MAP3K5: variants seen among roughly 807,000 people sequenced by gnomAD.
MAP3K5 encodes the protein ASK-1.
Under a neutral mutation model 158.7 loss-of-function variants are expected in MAP3K5, and 56 were observed. The observed-to-expected ratio is 0.35, with a 90% confidence interval of 0.28 to 0.44. MAP3K5 has a LOEUF of 0.44. Ranked by LOEUF, MAP3K5 falls within the 20% of genes least tolerant of loss-of-function variation. MAP3K5 has a pLI of 1.00. For missense variants in MAP3K5, 1,294 were observed against 1,674.8 expected (o/e 0.77, Z 3.97); for synonymous variants, 579 against 601.7 (o/e 0.96, Z 0.55).
chr6:136,777,385 G>A (rs572110273), intron 1 of MAP3K5, among the ~76,000 whole-genome samples: 7 of 152,222 alleles, frequency 4.6e-5, no homozygotes, highest in African/African-American at 1.7e-4. Flanking sequence ...TTGAGACAGG[G>A]TCTCCGTTTG....
chr6:136,609,629 C>T lies in MAP3K5; in HGVS notation c.2521+1653G>A, dbSNP rs1220221151. ...GCAACATGGTGAAACCCTGTCTCTA[C>T]CAAAAATACAAAAAATTAGCCAGGC... On this transcript the variant is annotated intron_variant, in intron 18 of 29. Coordinates refer to ENST00000359015, the MANE Select transcript of MAP3K5 (RefSeq NM_005923.4). The surrounding 1 kb of genome is among the most constrained non-coding windows in gnomAD (Gnocchi z 4.4). Among the ~76,000 whole-genome samples the T allele has an allele frequency of 6.7e-6, 1 of 149,328 alleles. No homozygotes were observed. Among genetic ancestry groups the T allele is most frequent in the African/African-American group, 2.5e-5 (1 of 40,380 alleles).
chr6:136,558,495 C>T (rs1830352353), intron 29 of MAP3K5, among the ~76,000 whole-genome samples: 1 of 152,132 alleles, frequency 6.6e-6, no homozygotes, highest in Non-Finnish European at 1.5e-5. Flanking sequence ...GAGTATAACA[C>T]CATCATGAAC....
At chr6:136,606,528 T>C (rs1483559362) in intron 18 of MAP3K5, among the ~76,000 whole-genome samples, 1 of 152,176 alleles carries the variant, frequency 6.6e-6, no homozygotes, top group Non-Finnish European at 1.5e-5. Flanking sequence ...AACTACCTCA[T>C]TAACCTAAAT....
chr6:136,674,762 A>C (rs1467595887), intron 7 of MAP3K5, among the ~76,000 whole-genome samples: 2 of 151,982 alleles, frequency 1.3e-5, no homozygotes, highest in Non-Finnish European at 2.9e-5. Context: ...AAAATCTGAA[A>C]TCTAAAATGC....
chr6:136,738,590 AG>A (rs1782576142), intron 1 of MAP3K5, among the ~76,000 whole-genome samples: 1 of 152,344 alleles, frequency 6.6e-6, no homozygotes, highest in East Asian at 1.9e-4. Context: ...GGAGGCAATG[AG>A]GAGCACAAAA....
intron 1 of MAP3K5, among the ~76,000 whole-genome samples, chr6:136,752,950 A>T (rs1207747719): frequency 6.6e-6 from 1 of 152,130 alleles, no homozygotes; most frequent in Non-Finnish European, 1.5e-5. Flanking sequence ...TGGCTCCTTC[A>T]CACCACTCAG....
intron 15 of MAP3K5, among the ~76,000 whole-genome samples, chr6:136,618,999 A>G (rs1413930173): frequency 2.6e-5 from 4 of 152,198 alleles, no homozygotes; most frequent in African/African-American, 9.7e-5. Flanking sequence ...CGAGTGCAAC[A>G]GAGGAGAAAG....
At chr6:136,656,608 T>G in intron 9 of MAP3K5, 148 bp from the exon 10 acceptor site, 1 of 576,062 alleles carries the variant, frequency 1.7e-6, no homozygotes, top group East Asian at 2.9e-5. Flanking sequence ...TTGTTGCATA[T>G]CGTGTGTTTT....
intron 1 of MAP3K5, among the ~76,000 whole-genome samples, chr6:136,769,771 GGAAGGA>G (rs1784107934): frequency 4.8e-5 from 2 of 41,936 alleles, no homozygotes; most frequent in African/African-American, 2.5e-4. Context: ...AAGGAAGGAA[GGAAGGA>G]AGGAAGGAAG....
At chr6:136,602,641 G>A (rs911145135) in intron 19 of MAP3K5, among the ~76,000 whole-genome samples, 9 of 152,200 alleles carry the variant, frequency 5.9e-5, no homozygotes, top group Non-Finnish European at 1.3e-4. Context: ...CAGTAGCTAA[G>A]TGCTGGGCAT....
Position 136,791,926 on chromosome 6 carries a change from G to T in MAP3K5, c.232C>A (p.Arg78=). 1 of 1,612,566 alleles carries T rather than the reference G, an allele frequency of 6.2e-7. No individual in the cohort carries two copies. Among genetic ancestry groups the T allele is most frequent in the Non-Finnish European group, 8.5e-7 (1 of 1,179,684 alleles). ...PAATSSSSAT[R]GRGSSVGGGS... The stretch of plus-strand genomic sequence containing the variant: ...CCGCCAACAGAGCTGCCCCGGCCTC[G>T]GGTGGCACTGCTCGAGGAGGTGGCC... Residue 78 remains arginine, a synonymous_variant, in exon 1 of 30, where the codon CGA becomes AGA. Coordinates refer to ENST00000359015, the MANE Select transcript of MAP3K5 (RefSeq NM_005923.4).
intron 11 of MAP3K5, among the ~76,000 whole-genome samples, chr6:136,646,017 AG>A (rs1418312732): frequency 2.0e-5 from 3 of 152,150 alleles, no homozygotes; most frequent in Non-Finnish European, 4.4e-5. Flanking sequence ...GTAATAATAA[AG>A]TTTTTTTGTT....
chr6:136,558,139 A>G (rs532198486), intron 29 of MAP3K5, among the ~76,000 whole-genome samples: 2 of 152,236 alleles, frequency 1.3e-5, no homozygotes, highest in Non-Finnish European at 2.9e-5. Flanking sequence ...AGCACTTTAG[A>G]AGGCCGAGGC....
At chr6:136,731,757 G>A (rs955837503) in intron 1 of MAP3K5, among the ~76,000 whole-genome samples, 1 of 152,214 alleles carries the variant, frequency 6.6e-6, no homozygotes. Context: ...AATACAAGAT[G>A]AGGAAATGGA....
chr6:136,661,396 TTTG>T (rs751529195), intron 8 of MAP3K5, among the ~76,000 whole-genome samples: 11 of 152,080 alleles, frequency 7.2e-5, no homozygotes, highest in South Asian at 2.1e-4. Context: ...TGGATATAAT[TTTG>T]TTGTTGTTGT....
intron 12 of MAP3K5, among the ~76,000 whole-genome samples, chr6:136,642,015 T>TA (rs61244217): frequency 4.4e-4 from 49 of 110,544 alleles, no homozygotes; most frequent in African/African-American, 1.5e-3. Flanking sequence ...TAAAATAAAA[T>TA]AAATAAAATA....
intron 1 of MAP3K5, among the ~76,000 whole-genome samples, chr6:136,783,766 T>C (rs994238396): frequency 7.9e-5 from 12 of 152,202 alleles, no homozygotes; most frequent in African/African-American, 1.4e-4. Context: ...TAGCCAATAA[T>C]GCATTTTCCT....
At chr6:136,614,371 G>C in intron 15 of MAP3K5, 85 bp from the exon 16 acceptor site, 1 of 1,473,984 alleles carries the variant, frequency 6.8e-7, no homozygotes, top group East Asian at 2.3e-5. Context: ...GAAAATGTCA[G>C]CCAAATATAT....
intron 20 of MAP3K5, among the ~76,000 whole-genome samples, chr6:136,601,316 T>C (rs1357922838): frequency 1.3e-5 from 2 of 152,186 alleles, no homozygotes; most frequent in Non-Finnish European, 2.9e-5. Context: ...TTTCTCTCTT[T>C]CTTTTTCCTT....
Sources: allele counts gnomAD v4.1 joint callset (sites outside exome capture counted in the v4.1 genomes callset), GRCh38; gene constraint gnomAD v4.1.1; non-coding constraint Gnocchi (gnomAD v3.1); transcripts MANE v1.5; gene names NCBI Gene and HGNC (gene_info 2026-07-23, HGNC 2026-07-21).